The following CSMD1 variants were observed in gnomAD, a reference collection of about 807,000 sequenced individuals.
CSMD1 encodes CUB and sushi domain-containing protein 1.
A neutral mutation model predicts 417.5 loss-of-function variants in CSMD1; 213 were observed. That is an observed-to-expected ratio of 0.51 (90% CI 0.46 to 0.57). CSMD1 has a LOEUF of 0.57. CSMD1 is among the 20% of genes least tolerant of loss of function. CSMD1 has a pLI of 0.00. For synonymous variants in CSMD1, 2,862 were observed against 1,736.8 expected (o/e 1.65, Z -16.11); for missense variants, 6,923 against 4,529.7 (o/e 1.53, Z -15.17).
At chr8:4,201,649 G>C (rs1423752408) in intron 3 of CSMD1, among the ~76,000 whole-genome samples, 1 of 149,284 alleles carries the variant, frequency 6.7e-6, no homozygotes, top group East Asian at 2.0e-4. Context: ...ATTTACCCTT[G>C]ACCAAAGTTT....
At chr8:3,083,657 T>TTA (rs1814307190) in intron 49 of CSMD1, among the ~76,000 whole-genome samples, 3 of 63,598 alleles carry the variant, frequency 4.7e-5, no homozygotes, top group Non-Finnish European at 6.0e-5. Context: ...TATTTTTTTT[T>TTA]TTTTTTTTTT....
intron 15 of CSMD1, among the ~76,000 whole-genome samples, chr8:3,400,037 CAAAAT>C (rs1455002200): frequency 6.6e-6 from 1 of 152,062 alleles, no homozygotes; most frequent in Non-Finnish European, 1.5e-5. Context: ...TGAAACAAAA[CAAAAT>C]GTTCAATCAA....
intron 8 of CSMD1, among the ~76,000 whole-genome samples, chr8:3,587,351 C>T (rs1039394695): frequency 2.0e-5 from 3 of 152,268 alleles, no homozygotes; most frequent in South Asian, 2.1e-4. Context: ...CTCTGACAAG[C>T]GCATTGTTAC....
intron 7 of CSMD1, among the ~76,000 whole-genome samples, chr8:3,644,621 G>A (rs1178375471): frequency 1.3e-5 from 2 of 152,148 alleles, no homozygotes; most frequent in East Asian, 1.9e-4. Context: ...AGAGATGGCT[G>A]TGCCAGACCC....
chr8:4,752,194 A>G (rs757703548), intron 1 of CSMD1, among the ~76,000 whole-genome samples: 5 of 152,056 alleles, frequency 3.3e-5, no homozygotes, highest in Non-Finnish European at 7.4e-5. Flanking sequence ...AAAAAAAATC[A>G]CTTCATCATA....
intron 2 of CSMD1, among the ~76,000 whole-genome samples, chr8:4,508,852 A>G (rs1349594786): frequency 6.6e-6 from 1 of 152,134 alleles, no homozygotes; most frequent in Non-Finnish European, 1.5e-5. Context: ...TTTGGAATGT[A>G]AGCTTTCTGG....
At chr8:4,153,718 G>A (rs188451983) in intron 3 of CSMD1, among the ~76,000 whole-genome samples, 37 of 152,312 alleles carry the variant, frequency 2.4e-4, no homozygotes, top group Admixed American at 1.6e-3. Flanking sequence ...ACAGATATAA[G>A]AACCCATGCA....
At chr8:4,090,669 C>A (rs765713217) in intron 3 of CSMD1, among the ~76,000 whole-genome samples, 1 of 152,292 alleles carries the variant, frequency 6.6e-6, no homozygotes, top group East Asian at 1.9e-4. Context: ...AAAGAAAGCA[C>A]ATCAATTTCC....
intron 26 of CSMD1, among the ~76,000 whole-genome samples, chr8:3,283,350 G>C (rs1180430529): frequency 2.6e-5 from 4 of 152,048 alleles, no homozygotes; most frequent in Admixed American, 1.3e-4. Flanking sequence ...GAGCCCTGAA[G>C]ATAGGCTCTA....
At chr8:4,814,244 G>A (rs1367790103) in intron 1 of CSMD1, among the ~76,000 whole-genome samples, 1 of 152,192 alleles carries the variant, frequency 6.6e-6, no homozygotes, top group Non-Finnish European at 1.5e-5. Context: ...ATGTGCGCGT[G>A]TGTGTATGTG....
rs568785280 is a variant in CSMD1, at chr8:4,694,681, CATTG to C, written c.86-57127_86-57124del. Reference sequence around the variant, plus strand: ...CCCAGCCCAATGTACTTCCTAGATACATTGATTGATGTCTCATGTTTCCCTACAA... The same window carrying C: ...CCCAGCCCAATGTACTTCCTAGATACATTGATGTCTCATGTTTCCCTACAA... On this transcript the variant is annotated intron_variant, in intron 1 of 69. Transcript: ENST00000635120. Among the ~76,000 whole-genome samples, 8 of 152,150 alleles carry C rather than the reference CATTG, an allele frequency of 5.3e-5. No homozygotes were observed. In the South Asian group the frequency reaches 1.7e-3, roughly 32 times the overall value.
At chr8:2,964,140 T>C (rs73499074) in intron 59 of CSMD1, among the ~76,000 whole-genome samples, 52 of 152,328 alleles carry the variant, frequency 3.4e-4, no homozygotes, top group African/African-American at 1.2e-3. Context: ...GTTTTTGAAA[T>C]GAATGGAAGT....
At chr8:4,194,117 C>T (rs747257627) in intron 3 of CSMD1, among the ~76,000 whole-genome samples, 6 of 152,010 alleles carry the variant, frequency 3.9e-5, no homozygotes, top group Non-Finnish European at 8.8e-5. Context: ...ATACGTTCAA[C>T]AAAGAATGCA....
chr8:2,961,238 A>G (rs1803453060), intron 61 of CSMD1, 24 bp from the exon 62 acceptor site: 2 of 1,474,494 alleles, frequency 1.4e-6, no homozygotes, highest in Non-Finnish European at 1.9e-6. Context: ...TTTAAAAAGA[A>G]AAGAGGGCAC....
chr8:3,148,894 A>G (rs1389194803), intron 40 of CSMD1, among the ~76,000 whole-genome samples: 5 of 152,208 alleles, frequency 3.3e-5, no homozygotes, highest in Non-Finnish European at 5.9e-5. Flanking sequence ...AATGTAATCT[A>G]TAACAAATTA....
At chr8:3,046,215 C>G (rs1385357636) in intron 50 of CSMD1, among the ~76,000 whole-genome samples, 1 of 152,156 alleles carries the variant, frequency 6.6e-6, no homozygotes, top group South Asian at 2.1e-4. Context: ...GGAGGTGAGG[C>G]AGCGGGGGTT....
chr8:3,602,097 G>A (rs1367164919), intron 8 of CSMD1, among the ~76,000 whole-genome samples: 1 of 152,156 alleles, frequency 6.6e-6, no homozygotes. Context: ...CCATATGAAT[G>A]TGTTAACACC....
rs530032782 is a variant in CSMD1 at position 3,843,894 on chromosome 8, G to GT, written c.819-89853dup. On this transcript the variant is annotated intron_variant, in intron 5 of 69. Coordinates refer to ENST00000635120, the MANE Select transcript of CSMD1 (RefSeq NM_033225.6). ...TATTGTGAGTACAATTTAGAGTAAC[G>GT]TAATTTACACCCAGCAGAACTTTCC... Among the ~76,000 whole-genome samples, 15 of 152,234 alleles carry GT rather than the reference G, an allele frequency of 9.9e-5. No individual in the cohort carries two copies. The East Asian group carries it at 2.3e-3, about 24-fold the overall frequency.
intron 5 of CSMD1, among the ~76,000 whole-genome samples, chr8:3,967,430 G>A (rs909490220): frequency 2.7e-5 from 4 of 147,264 alleles, no homozygotes; most frequent in African/African-American, 1.0e-4. Flanking sequence ...TGCTTTCAAA[G>A]TCCTCATTCA....
Sources: gnomAD v4.1 joint callset for allele counts (sites outside exome capture counted in the v4.1 genomes callset) on GRCh38, gnomAD v4.1.1 for gene constraint, MANE v1.5 for transcripts, NCBI Gene and HGNC (gene_info 2026-07-23, HGNC 2026-07-21) for gene names.